The following RBFOX1 variants were observed in gnomAD, a reference collection of about 807,000 sequenced individuals.
RBFOX1 encodes the protein RNA binding protein fox-1 homolog 1.
In RBFOX1, 8 loss-of-function variants were observed where a neutral mutation model predicts 57.7. The observed-to-expected ratio is 0.14, with a 90% confidence interval of 0.08 to 0.25. The LOEUF (loss-of-function observed/expected upper bound fraction) is 0.25, where lower values mean the gene tolerates loss of function less well. Ranked by LOEUF, RBFOX1 falls within the 10% of genes least tolerant of loss-of-function variation. RBFOX1 has a pLI of 1.00. For missense variants in RBFOX1, 611 were observed against 548.5 expected (o/e 1.11, Z -1.14); for synonymous variants, 326 against 222.4 (o/e 1.47, Z -4.15).
intron 4 of RBFOX1, among the ~76,000 whole-genome samples, chr16:5,876,410 G>T (rs1181029305): frequency 6.6e-6 from 1 of 152,158 alleles, no homozygotes; most frequent in Non-Finnish European, 1.5e-5. Context: ...GGGAAGTTGA[G>T]ACTCACACCC....
At chr16:5,968,313 G>A (rs892836717) in intron 4 of RBFOX1, among the ~76,000 whole-genome samples, 17 of 152,030 alleles carry the variant, frequency 1.1e-4, no homozygotes, top group Non-Finnish European at 2.4e-4. Context: ...GACATCACAT[G>A]ATCCCCCCGC....
Position 6,951,916 on chromosome 16 carries a change from A to G in RBFOX1, c.-15-100141A>G, listed in dbSNP as rs571364177. On this transcript the variant is annotated intron_variant, in intron 3 of 15. Transcript: ENST00000550418. Reference sequence around the variant, plus strand: ...ATGCCCAGCTAATTTTTGTATATTTAGTAGAGATGGGGTTTCACCATGTTG... The same window carrying G: ...ATGCCCAGCTAATTTTTGTATATTTGGTAGAGATGGGGTTTCACCATGTTG... Among the ~76,000 whole-genome samples, 5 of 152,224 alleles carry G rather than the reference A, an allele frequency of 3.3e-5. No homozygotes were observed. The East Asian group carries it at 7.7e-4, about 24-fold the overall frequency.
chr16:5,663,092 G>A (rs2049711313), intron 3 of RBFOX1, among the ~76,000 whole-genome samples: 1 of 152,158 alleles, frequency 6.6e-6, no homozygotes, highest in East Asian at 1.9e-4. Flanking sequence ...CATGTGGTAG[G>A]TATAGGCCAG....
chr16:6,822,624 C>G (rs1431308004), intron 3 of RBFOX1, among the ~76,000 whole-genome samples: 2 of 152,196 alleles, frequency 1.3e-5, no homozygotes, highest in African/African-American at 2.4e-5. Flanking sequence ...GCAGATGAAG[C>G]TGCTCATAAG....
At chr16:6,946,727 C>G (rs2079601871) in intron 3 of RBFOX1, among the ~76,000 whole-genome samples, 1 of 152,128 alleles carries the variant, frequency 6.6e-6, no homozygotes, top group Non-Finnish European at 1.5e-5. Flanking sequence ...CTGAGTCTCC[C>G]AAATAGCTGG....
At chr16:6,610,745 C>CACT (rs2098035727) in intron 2 of RBFOX1, among the ~76,000 whole-genome samples, 1 of 152,190 alleles carries the variant, frequency 6.6e-6, no homozygotes, top group African/African-American at 2.4e-5. Context: ...GCCAAACAAT[C>CACT]ACTACCATGA....
intron 1 of RBFOX1, among the ~76,000 whole-genome samples, chr16:5,367,949 G>C (rs2065765079): frequency 6.6e-6 from 1 of 152,196 alleles, no homozygotes. Context: ...CTTGGGTTGT[G>C]AGGAGTTTCC....
chr16:7,028,555 C>G (rs745719193), intron 3 of RBFOX1, among the ~76,000 whole-genome samples: 3 of 136,002 alleles, frequency 2.2e-5, no homozygotes, highest in Non-Finnish European at 4.5e-5. Flanking sequence ...GCATTGCACT[C>G]CAACCTGGGC....
intron 10 of RBFOX1, among the ~76,000 whole-genome samples, chr16:7,629,503 C>G (rs1170151732): frequency 6.6e-6 from 1 of 152,128 alleles, no homozygotes; most frequent in Admixed American, 6.5e-5. Context: ...GGCGGTTGAC[C>G]TTCCCCAGTC....
At chr16:6,803,215 G>A (rs1452243651) in intron 3 of RBFOX1, among the ~76,000 whole-genome samples, 1 of 152,012 alleles carries the variant, frequency 6.6e-6, no homozygotes, top group Non-Finnish European at 1.5e-5. Context: ...ATGTTCACTT[G>A]ACCCTCATTG....
intron 2 of RBFOX1, among the ~76,000 whole-genome samples, chr16:6,479,187 C>T (rs1006966302): frequency 7.9e-5 from 12 of 152,122 alleles, no homozygotes; most frequent in African/African-American, 2.2e-4. Context: ...CCTGAGACTG[C>T]GTAGTTTATA....
Position 5,810,362 on chromosome 16 carries a change from A to C in RBFOX1, c.319-56941A>C, listed in dbSNP as rs183693594. On this transcript the variant is annotated intron_variant, in intron 3 of 19. Coordinates refer to the RBFOX1 transcript ENST00000641259. ...AAAGATATAAGAATAAGGTGGTGTCAACAGCCAAGGAGAGAGGCCTCAGAA... is the reference window on the plus strand; with the variant it reads ...AAAGATATAAGAATAAGGTGGTGTCCACAGCCAAGGAGAGAGGCCTCAGAA... 8.0e-3 allele frequency among the ~76,000 whole-genome samples: 1,220 copies of C among 152,316 alleles called. 13 individuals are homozygous for C. The highest frequency in any genetic ancestry group is 0.022 in the African/African-American group (911 of 41,568).
intron 4 of RBFOX1, among the ~76,000 whole-genome samples, chr16:7,102,617 C>T (rs1046863316): frequency 6.6e-6 from 1 of 152,154 alleles, no homozygotes; most frequent in African/African-American, 2.4e-5. Context: ...TCTGACATTG[C>T]ACTTGTCACC....
Position 6,934,283 on chromosome 16 carries a change from C to T in RBFOX1, c.-15-117774C>T, listed in dbSNP as rs149603664. Among the ~76,000 whole-genome samples, 622 of 152,194 alleles carry T rather than the reference C, an allele frequency of 4.1e-3. 4 individuals are homozygous for T. Among genetic ancestry groups the T allele is most frequent in the South Asian group, 6.0e-3 (29 of 4,820 alleles). On this transcript the variant is annotated intron_variant, in intron 3 of 15. Coordinates refer to ENST00000550418, the MANE Select transcript of RBFOX1 (RefSeq NM_018723.4). ...TCTTCAGTCTGGACTGAAGTTGCTG[C>T]GCTTGGGATTTTCTTTTTCATGATG...
At chr16:7,647,502 A>G (rs2063981278) in intron 11 of RBFOX1, among the ~76,000 whole-genome samples, 1 of 151,382 alleles carries the variant, frequency 6.6e-6, no homozygotes, top group African/African-American at 2.4e-5. Flanking sequence ...ATTGTTCCTT[A>G]TTGATGGTCT....
At chr16:6,756,949 T>A (rs955504237) in intron 3 of RBFOX1, among the ~76,000 whole-genome samples, 1 of 151,932 alleles carries the variant, frequency 6.6e-6, no homozygotes, top group Non-Finnish European at 1.5e-5. Context: ...CACTCCAGCC[T>A]GGGCACCAAG....
At chr16:6,186,774 C>T (rs2097108078) in intron 1 of RBFOX1, among the ~76,000 whole-genome samples, 1 of 152,036 alleles carries the variant, frequency 6.6e-6, no homozygotes, top group Non-Finnish European at 1.5e-5. Flanking sequence ...ACATTGGTGC[C>T]AATGGGGAGT....
rs545919286 is a variant in RBFOX1 at position 6,846,506 on chromosome 16, A to C, written c.-16+191856A>C. 8.5e-5 allele frequency among the ~76,000 whole-genome samples: 13 copies of C among 152,292 alleles called. No homozygotes were observed. The East Asian group carries it at 2.1e-3, about 25-fold the overall frequency. ...GAAAAATAAGACCACAGCAAATGAA[A>C]CAAAATGTGTAACATACCAGACAGG... is the stretch of plus-strand genomic sequence containing the variant. On this transcript the variant is annotated intron_variant, in intron 3 of 15. Transcript: ENST00000550418.
intron 5 of RBFOX1, among the ~76,000 whole-genome samples, chr16:7,544,176 T>C (rs4787044): frequency 1.3e-5 from 2 of 152,156 alleles, no homozygotes; most frequent in Non-Finnish European, 2.9e-5. Context: ...AGTTGCTACA[T>C]TATATTTCAC....
Sources: gnomAD v4.1 joint callset for allele counts (sites outside exome capture counted in the v4.1 genomes callset) on GRCh38, gnomAD v4.1.1 for gene constraint, MANE v1.5 for transcripts, NCBI Gene and HGNC (gene_info 2026-07-23, HGNC 2026-07-21) for gene names.